OTUD7A: variants seen among roughly 807,000 people sequenced by gnomAD.
OTUD7A encodes OTU domain-containing protein 7A.
In OTUD7A, 12 loss-of-function variants were observed where a neutral mutation model predicts 65.7. The observed-to-expected ratio is 0.18, with a 90% CI of 0.12 to 0.30. The LOEUF (loss-of-function observed/expected upper bound fraction) is 0.30, where lower values mean the gene tolerates loss of function less well. OTUD7A is among the 10% of genes least tolerant of loss of function. OTUD7A has a pLI of 1.00. For missense variants in OTUD7A, 1,148 were observed against 1,304.8 expected (o/e 0.88, Z 1.85); for synonymous variants, 641 against 586.3 (o/e 1.09, Z -1.35).
intron 3 of OTUD7A, among the ~76,000 whole-genome samples, chr15:31,636,407 TTAA>T (rs2141256391): frequency 6.6e-6 from 1 of 152,326 alleles, no homozygotes; most frequent in South Asian, 2.1e-4. Context: ...ACCGATGAAC[TTAA>T]TAAACGTTGT....
chr15:31,684,966 C>G lies in OTUD7A; in HGVS notation c.-99-27889G>C, dbSNP rs60024558. 5.1e-3 allele frequency among the ~76,000 whole-genome samples: 766 copies of G among 150,310 alleles called. 6 individuals carry two copies. The highest frequency in any genetic ancestry group is 0.018 in the African/African-American group (737 of 40,958). On this transcript the variant is annotated intron_variant, in intron 1 of 12. Coordinates refer to ENST00000307050, the MANE Select transcript of OTUD7A (RefSeq NM_001382637.1). The stretch of plus-strand genomic sequence containing the variant: ...GCATTGTGCAGGCCAAAAAGCAGCA[C>G]CTTCACCCGGTGCTACGTGATCACT...
intron 3 of OTUD7A, among the ~76,000 whole-genome samples, chr15:31,647,239 A>G (rs7175551): frequency 3.3e-5 from 5 of 152,106 alleles, no homozygotes; most frequent in African/African-American, 1.2e-4. Context: ...TGGTCCCTAG[A>G]CCACCTTTTT....
chr15:31,715,398 G>C (rs887411454), intron 1 of OTUD7A, among the ~76,000 whole-genome samples: 14 of 151,104 alleles, frequency 9.3e-5, no homozygotes, highest in South Asian at 4.2e-4. Context: ...TCACCTGGAA[G>C]AGCTTCCACA....
intron 1 of OTUD7A, among the ~76,000 whole-genome samples, chr15:31,740,775 C>A (rs1172556306): frequency 6.6e-6 from 1 of 152,098 alleles, no homozygotes; most frequent in Non-Finnish European, 1.5e-5. Flanking sequence ...ACGCAAGATT[C>A]AACTATATGC....
intron 1 of OTUD7A, among the ~76,000 whole-genome samples, chr15:31,753,705 T>TATATGTGATATATAACCTGTG (rs1567004905): frequency 3.1e-4 from 24 of 78,382 alleles, no homozygotes; most frequent in African/African-American, 2.3e-3. Context: ...ATATATATTA[T>TATATGTGATATATAACCTGTG]ATATATATAT....
intron 10 of OTUD7A, among the ~76,000 whole-genome samples, chr15:31,492,158 GAATTTAT>G: frequency 6.6e-6 from 1 of 152,348 alleles, no homozygotes; most frequent in South Asian, 2.1e-4. Flanking sequence ...AGTGCATTAT[GAATTTAT>G]AACAGATGTA....
intron 6 of OTUD7A, among the ~76,000 whole-genome samples, chr15:31,530,034 C>T (rs2042065456): frequency 1.3e-5 from 2 of 152,140 alleles, no homozygotes. Flanking sequence ...CCTCAATTAT[C>T]CAAATATTTC....
intron 1 of OTUD7A, among the ~76,000 whole-genome samples, chr15:31,769,064 G>A (rs917723410): frequency 1.3e-5 from 2 of 152,086 alleles, no homozygotes; most frequent in Non-Finnish European, 2.9e-5. Context: ...AATAGACATC[G>A]ATTATTGGAA....
intron 3 of OTUD7A, among the ~76,000 whole-genome samples, chr15:31,607,654 G>T (rs1273101595): frequency 6.6e-6 from 1 of 152,150 alleles, no homozygotes; most frequent in Non-Finnish European, 1.5e-5. Flanking sequence ...ATGTTCTAGT[G>T]CAATGTATTA....
At chr15:31,631,635 T>C (rs1202445128) in intron 3 of OTUD7A, among the ~76,000 whole-genome samples, 1 of 152,224 alleles carries the variant, frequency 6.6e-6, no homozygotes, top group African/African-American at 2.4e-5. Context: ...AATGTTTGCC[T>C]GCCTTGCTAG....
intron 1 of OTUD7A, among the ~76,000 whole-genome samples, chr15:31,868,830 G>GCCTA (rs1435466347): frequency 2.0e-5 from 3 of 152,130 alleles, no homozygotes; most frequent in South Asian, 2.1e-4. Context: ...AACACTAAAG[G>GCCTA]CCTAAGTAAC....
intron 12 of OTUD7A, among the ~76,000 whole-genome samples, chr15:31,486,383 A>G (rs905022057): frequency 3.3e-5 from 5 of 152,188 alleles, no homozygotes; most frequent in Non-Finnish European, 4.4e-5. Context: ...GGAGTCTGAG[A>G]GCACTGAGCA....
chr15:31,675,093 A>G (rs990918025), intron 1 of OTUD7A, among the ~76,000 whole-genome samples: 1 of 152,096 alleles, frequency 6.6e-6, no homozygotes, highest in Non-Finnish European at 1.5e-5. Flanking sequence ...ACTAGAAAAG[A>G]GGCAATAGAA....
At position 31,501,926 on chromosome 15, in the gene OTUD7A, CCG is replaced by C. The variant is rs999449701; in HGVS notation, c.1022-89_1022-88del. 33 of 1,413,598 alleles carry C rather than the reference CCG, an allele frequency of 2.3e-5. No homozygotes were observed. The African/African-American group carries it at 4.7e-4, about 20-fold the overall frequency. 87.6% of individuals were successfully genotyped at this position (1,413,598 alleles called of 1,614,324 possible). A position where few individuals can be genotyped will look rare whatever the true frequency, so the allele number is the denominator to read the frequency against. On this transcript the variant is annotated intron_variant, in intron 9 of 12. Coordinates refer to ENST00000307050, the MANE Select transcript of OTUD7A (RefSeq NM_001382637.1). ...CCCTGCATCCCTGTCCCTCACTACC[CCG>C]GGGGGACTCCGTGGAGAAGCGGAGG...
At chr15:31,527,093 G>A in intron 7 of OTUD7A, 88 bp downstream of exon 7, 1 of 1,562,850 alleles carries the variant, frequency 6.4e-7, no homozygotes. Context: ...ACTGTCTGGG[G>A]CCTGGAGGCC....
chr15:31,531,520 C>CAA (rs60332452), intron 5 of OTUD7A, among the ~76,000 whole-genome samples: 10,382 of 80,180 alleles, frequency 0.13, 659 homozygotes, highest in East Asian at 0.21. Flanking sequence ...GAGTAGGCCA[C>CAA]AAAAAAAAAA....
intron 1 of OTUD7A, among the ~76,000 whole-genome samples, chr15:31,850,783 A>C (rs1897405469): frequency 6.6e-6 from 1 of 152,232 alleles, no homozygotes; most frequent in Non-Finnish European, 1.5e-5. Flanking sequence ...CAAGGAGTTA[A>C]CATGCAAAGC....
intron 1 of OTUD7A, among the ~76,000 whole-genome samples, chr15:31,658,052 T>C (rs1595690465): frequency 6.6e-6 from 1 of 152,132 alleles, no homozygotes; most frequent in East Asian, 1.9e-4. Context: ...GGACAGAGCG[T>C]TGGCCCTGGA....
intron 8 of OTUD7A, among the ~76,000 whole-genome samples, chr15:31,514,678 G>A (rs936973833): frequency 3.9e-5 from 6 of 152,282 alleles, no homozygotes; most frequent in Admixed American, 1.3e-4. Flanking sequence ...CTCCCCATCC[G>A]TGAGGTGGCC....
Sources: allele counts gnomAD v4.1 joint callset (sites outside exome capture counted in the v4.1 genomes callset), GRCh38; gene constraint gnomAD v4.1.1; transcripts MANE v1.5; gene names NCBI Gene and HGNC (gene_info 2026-07-23, HGNC 2026-07-21).